Variants in E2F3 observed in about 807,000 individuals in gnomAD.
The protein encoded by E2F3 is transcription factor E2F3.
In E2F3, 11 loss-of-function variants were observed where a neutral mutation model predicts 44.4. The ratio of observed to expected loss-of-function variants is 0.25; its 90% CI spans 0.16 to 0.41. E2F3 has a LOEUF of 0.41. Ranked by LOEUF, E2F3 falls within the 10% of genes least tolerant of loss-of-function variation. The pLI is 1.00. For synonymous variants in E2F3, 249 were observed against 253.0 expected (o/e 0.98, Z 0.15); for missense variants, 487 against 583.6 (o/e 0.83, Z 1.70).
intron 1 of E2F3, among the ~76,000 whole-genome samples, chr6:20,406,311 G>T (rs1166310828): frequency 6.6e-6 from 1 of 152,210 alleles, no homozygotes; most frequent in African/African-American, 2.4e-5. Flanking sequence ...CAAAAACAGT[G>T]TCACCTTTAA....
At chr6:20,456,840 A>G (rs989516573) in intron 1 of E2F3, among the ~76,000 whole-genome samples, 3 of 152,212 alleles carry the variant, frequency 2.0e-5, no homozygotes, top group African/African-American at 7.2e-5. Context: ...TGCATTTGTA[A>G]TGATTAATTG....
chr6:20,421,322 A>T (rs13207710), intron 1 of E2F3, among the ~76,000 whole-genome samples: 1 of 152,148 alleles, frequency 6.6e-6, no homozygotes, highest in African/African-American at 2.4e-5. Context: ...GAAAGTTTGT[A>T]ATTTACTTTA....
In E2F3 at chr6:20,492,507, C is replaced by T. The variant is rs1762581431; in HGVS notation, c.*2077C>T. On this transcript the variant is annotated 3_prime_UTR_variant, in exon 7 of 7. Transcript: ENST00000346618. ...TTTCCTGTATGGGAAACCATTTATG[C>T]CAAGCTTTTCCCCATTTCCCATATT... 1 of 233,304 alleles carries T rather than the reference C, an allele frequency of 4.3e-6. No individual in the cohort carries two copies. The highest frequency in any genetic ancestry group is 8.5e-6 in the Non-Finnish European group (1 of 117,776). The allele number at this position is 233,304 out of a possible 1,614,324, so 14.5% of individuals were successfully genotyped here.
intron 1 of E2F3, among the ~76,000 whole-genome samples, chr6:20,437,658 T>C (rs916222223): frequency 1.2e-4 from 18 of 152,178 alleles, no homozygotes; most frequent in African/African-American, 4.1e-4. Flanking sequence ...GAGCCACTGG[T>C]TTAGAGAAGT....
intron 1 of E2F3, among the ~76,000 whole-genome samples, chr6:20,450,701 G>A (rs555578599): frequency 2.6e-5 from 4 of 152,078 alleles, no homozygotes; most frequent in South Asian, 2.1e-4. Context: ...ATCTTTGCCC[G>A]TTCCTGTTTT....
intron 1 of E2F3, among the ~76,000 whole-genome samples, chr6:20,431,674 C>T (rs1441920973): frequency 6.6e-6 from 1 of 152,108 alleles, no homozygotes; most frequent in Non-Finnish European, 1.5e-5. Context: ...CTTCTACACA[C>T]ACTCTTCAAT....
chr6:20,444,981 T>C (rs934002010), intron 1 of E2F3: 39 of 699,182 alleles, frequency 5.6e-5, no homozygotes, highest in Non-Finnish European at 6.5e-5. Flanking sequence ...GTCCCTGTCA[T>C]ATAATAGATG....
At chr6:20,476,386 G>T (rs1323399308) in intron 1 of E2F3, among the ~76,000 whole-genome samples, 2 of 151,788 alleles carry the variant, frequency 1.3e-5, no homozygotes, top group Non-Finnish European at 1.5e-5. Flanking sequence ...AAAAAAAAAT[G>T]CTTTAAGCAA....
chr6:20,453,555 C>T (rs1007072637), intron 1 of E2F3, among the ~76,000 whole-genome samples: 4 of 152,144 alleles, frequency 2.6e-5, no homozygotes, highest in African/African-American at 9.7e-5. Context: ...GCTGGGACCA[C>T]AGGTGCACAC....
At chr6:20,432,047 C>A (rs2127593405) in intron 1 of E2F3, among the ~76,000 whole-genome samples, 1 of 152,376 alleles carries the variant, frequency 6.6e-6, no homozygotes, top group South Asian at 2.1e-4. Context: ...AACTTAATCA[C>A]CTCTTTAAAG....
chr6:20,403,712 C>A (rs1263665242), intron 1 of E2F3: 20 of 912,162 alleles, frequency 2.2e-5, no homozygotes, highest in Admixed American at 2.0e-4. Context: ...CCCACCCCCC[C>A]ACCGGCGCCC....
At chr6:20,430,220 A>G (rs1760354128) in intron 1 of E2F3, among the ~76,000 whole-genome samples, 1 of 152,218 alleles carries the variant, frequency 6.6e-6, no homozygotes, top group South Asian at 2.1e-4. Flanking sequence ...AGTAGGTCCC[A>G]TGCAATATTG....
At chr6:20,472,173 A>C (rs986280200) in intron 1 of E2F3, among the ~76,000 whole-genome samples, 1 of 150,520 alleles carries the variant, frequency 6.6e-6, no homozygotes, top group Non-Finnish European at 1.5e-5. Flanking sequence ...TAAATAAGTC[A>C]ATTTGACTGA....
At chr6:20,465,243 A>G (rs1234074349) in intron 1 of E2F3, among the ~76,000 whole-genome samples, 1 of 152,200 alleles carries the variant, frequency 6.6e-6, no homozygotes, top group Non-Finnish European at 1.5e-5. Flanking sequence ...AATCTGCCTG[A>G]CTATTGCCCC....
intron 2 of E2F3, among the ~76,000 whole-genome samples, chr6:20,480,438 A>G (rs930228331): frequency 6.6e-6 from 1 of 152,154 alleles, no homozygotes; most frequent in Non-Finnish European, 1.5e-5. Context: ...TGTGGGAGAG[A>G]GAGAAACGTA....
chr6:20,407,289 G>A (rs1759524148), intron 1 of E2F3, among the ~76,000 whole-genome samples: 1 of 152,180 alleles, frequency 6.6e-6, no homozygotes, highest in African/African-American at 2.4e-5. Context: ...GGCACTACAG[G>A]TAGCTCCACT....
chr6:20,403,743 G>C (rs1581558931), intron 1 of E2F3: 2 of 1,467,440 alleles, frequency 1.4e-6, no homozygotes, highest in Middle Eastern at 4.4e-4. Context: ...TGCGCCGCCG[G>C]TCTGTTCGGC....
chr6:20,442,756 G>C (rs1032414769), intron 1 of E2F3, among the ~76,000 whole-genome samples: 1 of 152,070 alleles, frequency 6.6e-6, no homozygotes, highest in Non-Finnish European at 1.5e-5. Context: ...GATCACCTGA[G>C]GTCAGGAGTT....
chr6:20,418,903 A>T (rs1759936981), intron 1 of E2F3, among the ~76,000 whole-genome samples: 1 of 152,152 alleles, frequency 6.6e-6, no homozygotes, highest in Admixed American at 6.5e-5. Context: ...TAAAATAAAA[A>T]ATATATAAGG....
Sources: allele counts gnomAD v4.1 joint callset (sites outside exome capture counted in the v4.1 genomes callset), GRCh38; gene constraint gnomAD v4.1.1; transcripts MANE v1.5; gene names NCBI Gene and HGNC (gene_info 2026-07-23, HGNC 2026-07-21).